KCNJ10: variants seen among roughly 807,000 people sequenced by gnomAD.
The protein encoded by KCNJ10 is ATP-sensitive inward rectifier potassium channel 10.
A neutral mutation model predicts 22.2 loss-of-function variants in KCNJ10; 9 were observed. The observed-to-expected ratio is 0.40, with a 90% CI of 0.24 to 0.71. KCNJ10 has a LOEUF of 0.71. KCNJ10 is among the 30% of genes least tolerant of loss of function. The pLI is 0.35. For missense variants in KCNJ10, 337 were observed against 482.7 expected (o/e 0.70, Z 2.83); for synonymous variants, 184 against 187.3 (o/e 0.98, Z 0.15).
chr1:160,042,470 C>T lies in KCNJ10; in HGVS notation c.63G>A (p.Met21Ile), dbSNP rs746292052. The change falls in exon 2 of 2, where the codon ATG (methionine) becomes ATA (isoleucine). Residue 21 changes from methionine (M) to isoleucine (I), a missense_variant. By Grantham distance (10) the Met-to-Ile change is conservative (BLOSUM62 1). This residue lies in a region of KCNJ10 where 107 missense variants were observed against 135.2 expected (regional missense o/e 0.79). Coordinates refer to ENST00000644903, the MANE Select transcript of KCNJ10 (RefSeq NM_002241.5). ...CTCTCCGCCGTCGTATCCCTGGGCCCATTAGGGGCCGGCTTTCTGTCTGAG... is the reference window on the plus strand; with the variant it reads ...CTCTCCGCCGTCGTATCCCTGGGCCTATTAGGGGCCGGCTTTCTGTCTGAG... ...QTTQTESRPLMGPGIRRRRVL... is the reference protein window; with the variant it reads ...QTTQTESRPLIGPGIRRRRVL... 21 of 1,614,052 alleles carry T rather than the reference C, an allele frequency of 1.3e-5. No homozygotes were observed. The South Asian group carries it at 2.3e-4, about 18-fold the overall frequency.
At chr1:160,049,696 T>G (rs1464458120) in intron 1 of KCNJ10, among the ~76,000 whole-genome samples, 5 of 121,356 alleles carry the variant, frequency 4.1e-5, no homozygotes, top group African/African-American at 1.6e-4. Flanking sequence ...TATATATATA[T>G]ATATATATAT....
intron 1 of KCNJ10, 150 bp from the exon 2 acceptor site, chr1:160,042,682 G>A: frequency 1.2e-6 from 1 of 840,618 alleles, no homozygotes; most frequent in Non-Finnish European, 1.9e-6. Flanking sequence ...CTTGCTATGT[G>A]CCAGGCACTG....
At chr1:160,069,727 T>C (rs1649407488) in intron 1 of KCNJ10, among the ~76,000 whole-genome samples, 1 of 152,176 alleles carries the variant, frequency 6.6e-6, no homozygotes, top group Non-Finnish European at 1.5e-5. Flanking sequence ...CTGTATTAAC[T>C]AGAGGAGCAG....
At chr1:160,056,914 T>C (rs1161481901) in intron 1 of KCNJ10, among the ~76,000 whole-genome samples, 1 of 152,112 alleles carries the variant, frequency 6.6e-6, no homozygotes, top group African/African-American at 2.4e-5. Context: ...ATACAGAGAG[T>C]CATTTTCAAT....
chr1:160,038,360 T>TC lies in KCNJ10; in HGVS notation c.*3032dup, dbSNP rs1332273657. On this transcript the variant is annotated 3_prime_UTR_variant, in exon 2 of 2. Transcript: ENST00000644903. Reference sequence around the variant, plus strand: ...TGTAAGTGGTAGATTTTCCAAGACTTCCCCTCCCTATTGTCCTCCGAGTTC... The same window carrying TC: ...TGTAAGTGGTAGATTTTCCAAGACTTCCCCCTCCCTATTGTCCTCCGAGTTC... 26 of 152,252 alleles carry TC rather than the reference T, an allele frequency of 1.7e-4. No homozygotes were observed. The highest frequency in any genetic ancestry group is 6.3e-4 in the African/African-American group (26 of 41,542). The allele number at this position is 152,252 out of a possible 1,614,324, so 9.4% of individuals were successfully genotyped here.
At chr1:160,053,644 G>A (rs961263179) in intron 1 of KCNJ10, among the ~76,000 whole-genome samples, 2 of 151,598 alleles carry the variant, frequency 1.3e-5, no homozygotes, top group Admixed American at 1.3e-4. Context: ...CCTGGGGCCT[G>A]ACTCTCCAGC....
chr1:160,065,600 C>T (rs1649306091), intron 1 of KCNJ10, among the ~76,000 whole-genome samples: 2 of 152,020 alleles, frequency 1.3e-5, no homozygotes, highest in Admixed American at 1.3e-4. Context: ...CTTGGAATGG[C>T]CTTTGTGAGG....
At chr1:160,057,810 C>T (rs968541619) in intron 1 of KCNJ10, among the ~76,000 whole-genome samples, 2 of 152,116 alleles carry the variant, frequency 1.3e-5, no homozygotes. Context: ...GGGAGGCTGA[C>T]CAGATCCCAG....
intron 1 of KCNJ10, among the ~76,000 whole-genome samples, chr1:160,065,413 A>G (rs571821267): frequency 7.2e-5 from 11 of 152,224 alleles, no homozygotes; most frequent in African/African-American, 9.6e-5. Flanking sequence ...GCCTTTGCCA[A>G]TCTGACGGAG....
At chr1:160,046,551 G>A (rs1648744438) in intron 1 of KCNJ10, among the ~76,000 whole-genome samples, 1 of 152,180 alleles carries the variant, frequency 6.6e-6, no homozygotes, top group Non-Finnish European at 1.5e-5. Flanking sequence ...GGAGATTTCG[G>A]CCACTGCTAG....
chr1:160,050,879 G>A (rs1648885998), intron 1 of KCNJ10, among the ~76,000 whole-genome samples: 2 of 152,086 alleles, frequency 1.3e-5, no homozygotes, highest in African/African-American at 2.4e-5. Context: ...TGCAGCTCCT[G>A]CAAGGGTCAG....
At chr1:160,068,366 G>C (rs1033414457) in intron 1 of KCNJ10, among the ~76,000 whole-genome samples, 1 of 152,082 alleles carries the variant, frequency 6.6e-6, no homozygotes, top group Non-Finnish European at 1.5e-5. Flanking sequence ...AGTGGGGGGT[G>C]GGGGGATGGC....
intron 1 of KCNJ10, among the ~76,000 whole-genome samples, chr1:160,068,865 G>T (rs796817676): frequency 6.6e-6 from 1 of 152,168 alleles, no homozygotes; most frequent in Non-Finnish European, 1.5e-5. Flanking sequence ...AACCACTCCA[G>T]GCCCTCCTCA....
In KCNJ10 at chr1:160,037,663, T is replaced by A. The variant is rs941103754; in HGVS notation, c.*3730A>T. 6.6e-6 allele frequency: 1 copy of A among 152,230 alleles called. No individual in the cohort carries two copies. Among genetic ancestry groups the A allele is most frequent in the Non-Finnish European group, 1.5e-5 (1 of 68,058 alleles). 9.4% of individuals were successfully genotyped at this position (152,230 alleles called of 1,614,324 possible). On this transcript the variant is annotated 3_prime_UTR_variant, in exon 2 of 2. Transcript: ENST00000644903. ...ACTGAGCCTGGAGACCCATGCTAAC[T>A]TTCCAGCAAAGGTAGTGTGTTACTG...
In KCNJ10 at chr1:160,049,988, T is replaced by C. The variant is rs573332877; in HGVS notation, c.1-7456A>G. Among the ~76,000 whole-genome samples the C allele has an allele frequency of 2.3e-3, 345 of 151,978 alleles. 3 individuals are homozygous for C. Among genetic ancestry groups the C allele is most frequent in the African/African-American group, 7.8e-3 (325 of 41,450 alleles). On this transcript the variant is annotated intron_variant, in intron 1 of 1. Coordinates refer to ENST00000644903, the MANE Select transcript of KCNJ10 (RefSeq NM_002241.5). ...TCTTCTCTTGATTTTTTAATGATGT[T>C]TTCTTTTTTCCTTGTACACATGGAA...
intron 1 of KCNJ10, among the ~76,000 whole-genome samples, chr1:160,047,162 G>T (rs1051143039): frequency 2.0e-5 from 3 of 152,188 alleles, no homozygotes; most frequent in Non-Finnish European, 4.4e-5. Flanking sequence ...TGTTCTACTT[G>T]AGAGTCATTT....
intron 1 of KCNJ10, among the ~76,000 whole-genome samples, chr1:160,066,889 G>T (rs1557975609): frequency 6.6e-6 from 1 of 152,118 alleles, no homozygotes; most frequent in Non-Finnish European, 1.5e-5. Flanking sequence ...CCAGAAAGTG[G>T]TCTCTCTTTC....
intron 1 of KCNJ10, among the ~76,000 whole-genome samples, chr1:160,059,635 G>T (rs1257002427): frequency 6.6e-6 from 1 of 152,190 alleles, no homozygotes; most frequent in African/African-American, 2.4e-5. Context: ...AACAAGAAGA[G>T]TTAGAATAAG....
At chr1:160,053,997 C>G (rs1648965588) in intron 1 of KCNJ10, among the ~76,000 whole-genome samples, 1 of 152,166 alleles carries the variant, frequency 6.6e-6, no homozygotes, top group Non-Finnish European at 1.5e-5. Flanking sequence ...GCCCCTTCCT[C>G]CACCTCAATC....
Sources: allele counts gnomAD v4.1 joint callset (sites outside exome capture counted in the v4.1 genomes callset), GRCh38; gene constraint gnomAD v4.1.1; regional missense constraint gnomAD v4.1.1; transcripts MANE v1.5; gene names NCBI Gene and HGNC (gene_info 2026-07-23, HGNC 2026-07-21).